The following APBA2 variants were observed in gnomAD, a reference collection of about 807,000 sequenced individuals.
APBA2 encodes amyloid-beta A4 precursor protein-binding family A member 2.
Under a neutral mutation model 75.0 loss-of-function variants are expected in APBA2, and 30 were observed. The observed-to-expected ratio is 0.40, with a 90% confidence interval of 0.30 to 0.54. The LOEUF (loss-of-function observed/expected upper bound fraction) is 0.54, where lower values mean the gene tolerates loss of function less well. Ranked by LOEUF, APBA2 falls within the 20% of genes least tolerant of loss-of-function variation. APBA2 has a pLI of 0.49. For synonymous variants in APBA2, 444 were observed against 409.6 expected, an observed-to-expected ratio of 1.08 and a Z score of -1.01; for missense variants, 801 against 1,016.1, an observed-to-expected ratio of 0.79 and a Z score of 2.88.
At chr15:28,948,618 C>A (rs1044881921) in intron 2 of APBA2, among the ~76,000 whole-genome samples, 1 of 152,212 alleles carries the variant, frequency 6.6e-6, no homozygotes, top group Admixed American at 6.5e-5. Context: ...ACAGCAATTT[C>A]TTTTCGCTTT....
At position 29,038,665 on chromosome 15, in the gene APBA2, A is replaced by ATT. The variant is rs67217686; in HGVS notation, c.-40-15157_-40-15156dup. Among the ~76,000 whole-genome samples, 697 of 105,428 alleles carry ATT rather than the reference A, an allele frequency of 6.6e-3. 18 individuals carry two copies. Among genetic ancestry groups the ATT allele is most frequent in the African/African-American group, 0.021 (569 of 27,140 alleles). 69.2% of individuals were successfully genotyped at this position (105,428 alleles called of 152,430 possible). On this transcript the variant is annotated intron_variant, in intron 3 of 14. Transcript: ENST00000683413. The stretch of plus-strand genomic sequence containing the variant: ...ATTTGGCTCTGTCCTATATGCAGGC[A>ATT]TTTTTTTTTTTTTTTTTTTTTTTTC...
At chr15:28,916,375 G>A (rs2033692700) in intron 1 of APBA2, among the ~76,000 whole-genome samples, 1 of 152,168 alleles carries the variant, frequency 6.6e-6, no homozygotes, top group Admixed American at 6.5e-5. Context: ...GCTAGAAGAG[G>A]AGACCTTCAA....
At chr15:28,980,637 A>G (rs983271133) in intron 2 of APBA2, among the ~76,000 whole-genome samples, 1 of 152,248 alleles carries the variant, frequency 6.6e-6, no homozygotes, top group Non-Finnish European at 1.5e-5. Context: ...TGACAGATTC[A>G]GTGCTCTTCC....
intron 2 of APBA2, among the ~76,000 whole-genome samples, chr15:28,983,210 C>T (rs1238115941): frequency 3.9e-5 from 6 of 152,172 alleles, no homozygotes; most frequent in Non-Finnish European, 7.3e-5. Flanking sequence ...GCAGCCCAGC[C>T]GCCGTCTCCC....
intron 2 of APBA2, among the ~76,000 whole-genome samples, chr15:28,943,676 G>T (rs1272385053): frequency 6.6e-6 from 1 of 152,154 alleles, no homozygotes; most frequent in Non-Finnish European, 1.5e-5. Flanking sequence ...AGTGTTCTGG[G>T]CCTCCTCCAT....
chr15:29,087,264 TAAAAA>T (rs377060964), intron 6 of APBA2, among the ~76,000 whole-genome samples: 4,675 of 151,882 alleles, frequency 0.031, 242 homozygotes, highest in African/African-American at 0.11. Flanking sequence ...CATTTTTTTT[TAAAAA>T]AAATTATTTA....
chr15:29,012,967 A>G (rs1456026154), intron 3 of APBA2, among the ~76,000 whole-genome samples: 1 of 152,138 alleles, frequency 6.6e-6, no homozygotes, highest in Non-Finnish European at 1.5e-5. Flanking sequence ...CTGGGTAATT[A>G]TCTACTTGTC....
chr15:28,897,358 G>C (rs866498922), intron 1 of APBA2, among the ~76,000 whole-genome samples: 117 of 152,160 alleles, frequency 7.7e-4, no homozygotes, highest in African/African-American at 2.7e-3. Context: ...CTCAATGCTT[G>C]TAATCCCAGC....
intron 13 of APBA2, among the ~76,000 whole-genome samples, chr15:29,113,609 G>A (rs2152983464): frequency 6.6e-6 from 1 of 152,324 alleles, no homozygotes; most frequent in East Asian, 1.9e-4. Context: ...AAAGGGAGCG[G>A]CCCTGGGGGA....
rs1595984033 is a variant in APBA2, at chr15:29,105,615, G to A, written c.1704+57G>A. ...ACATTTGCCAGCTTCTGCTCCCTGA[G>A]CTCCTGCAGAGCGAGCCTTCCCGGG... On this transcript the variant is annotated intron_variant, in intron 11 of 14. Transcript: ENST00000683413. 2.5e-6 allele frequency: 4 copies of A among 1,597,448 alleles called. No individual in the cohort carries two copies. The East Asian group carries it at 8.9e-5, about 36-fold the overall frequency.
At chr15:29,051,729 A>G (rs1194466828) in intron 3 of APBA2, among the ~76,000 whole-genome samples, 1 of 152,170 alleles carries the variant, frequency 6.6e-6, no homozygotes, top group Non-Finnish European at 1.5e-5. Context: ...GGGATACACA[A>G]TATGGAAGGC....
intron 1 of APBA2, among the ~76,000 whole-genome samples, chr15:28,900,656 G>A (rs1006249158): frequency 2.0e-5 from 3 of 151,708 alleles, no homozygotes; most frequent in African/African-American, 4.9e-5. Context: ...ATAAGCTGTC[G>A]GGGGCCGCTT....
At chr15:28,969,725 A>G (rs1465999543) in intron 2 of APBA2, among the ~76,000 whole-genome samples, 1 of 152,154 alleles carries the variant, frequency 6.6e-6, no homozygotes, top group Admixed American at 6.5e-5. Flanking sequence ...TGCCGCCAGG[A>G]CTGGTGAGGA....
chr15:28,902,996 G>A (rs1158246392), intron 1 of APBA2, among the ~76,000 whole-genome samples: 1 of 152,182 alleles, frequency 6.6e-6, no homozygotes. Context: ...GGTGCTGGGG[G>A]CCATCCCTGG....
chr15:28,911,462 C>A (rs1262691078), intron 1 of APBA2, among the ~76,000 whole-genome samples: 1 of 152,158 alleles, frequency 6.6e-6, no homozygotes, highest in Non-Finnish European at 1.5e-5. Context: ...TGGCCTGCTT[C>A]GTGGAGATAA....
At position 28,886,071 on chromosome 15, in the gene APBA2, TGCGCCCG is replaced by T. The variant is rs2031692785; in HGVS notation, c.-409_-403del. ...GGATGCGCCCCGCAGCCGCGCCGCG[TGCGCCCG>T]GCAGAGGCGGCCCTGCGTGCCGTAC... On this transcript the variant is annotated 5_prime_UTR_variant, in exon 1 of 15. An upstream open reading frame in the 5' UTR loses its in-frame stop. Coordinates refer to ENST00000683413, the MANE Select transcript of APBA2 (RefSeq NM_001353788.2). 1 of 148,822 alleles carries T rather than the reference TGCGCCCG, an allele frequency of 6.7e-6. No individual in the cohort carries two copies. The highest frequency in any genetic ancestry group is 2.0e-4 in the East Asian group (1 of 5,066). 9.2% of individuals were successfully genotyped at this position (148,822 alleles called of 1,614,324 possible).
chr15:28,978,641 C>A (rs1283121029), intron 2 of APBA2, among the ~76,000 whole-genome samples: 1 of 152,210 alleles, frequency 6.6e-6, no homozygotes, highest in African/African-American at 2.4e-5. Context: ...GGCTTCTGAG[C>A]TGCAATAGAA....
intron 3 of APBA2, among the ~76,000 whole-genome samples, chr15:29,050,759 T>C (rs2041556762): frequency 6.6e-6 from 1 of 152,350 alleles, no homozygotes; most frequent in African/African-American, 2.4e-5. Flanking sequence ...TTACAGATTT[T>C]ATCCCCCCGA....
chr15:29,063,715 A>T (rs2042252204), intron 4 of APBA2, among the ~76,000 whole-genome samples: 1 of 144,618 alleles, frequency 6.9e-6, no homozygotes, highest in Non-Finnish European at 1.5e-5. Context: ...TGTGCAGATG[A>T]TGATGATGAT....
Sources: allele counts gnomAD v4.1 joint callset (sites outside exome capture counted in the v4.1 genomes callset), GRCh38; gene constraint gnomAD v4.1.1; transcripts MANE v1.5; gene names NCBI Gene and HGNC (gene_info 2026-07-23, HGNC 2026-07-21).